SZRD1: variants seen among roughly 807,000 people sequenced by gnomAD.
SZRD1 encodes the protein SUZ RNA binding domain containing 1, also known as SUZ RNA-binding domain-containing.
In SZRD1, 7 loss-of-function variants were observed where a neutral mutation model predicts 17.6. The ratio of observed to expected loss-of-function variants is 0.40; its 90% CI spans 0.23 to 0.75. The LOEUF is 0.75. Among genes scored for constraint, SZRD1 ranks in the 30% least tolerant of loss-of-function variants. The pLI is 0.38. For missense variants in SZRD1, 178 were observed against 201.8 expected, an observed-to-expected ratio of 0.88 and a Z score of 0.71; for synonymous variants, 77 against 77.9, an observed-to-expected ratio of 0.99 and a Z score of 0.06.
chr1:16,380,843 G>A (rs371874474), intron 1 of SZRD1, among the ~76,000 whole-genome samples: 1 of 152,022 alleles, frequency 6.6e-6, no homozygotes, highest in Non-Finnish European at 1.5e-5. Context: ...CTGAGCTCAA[G>A]CAATCCACTT....
chr1:16,384,671 C>T (rs1425197677), intron 1 of SZRD1, among the ~76,000 whole-genome samples: 2 of 152,184 alleles, frequency 1.3e-5, no homozygotes, highest in South Asian at 2.1e-4. Flanking sequence ...TAGCATGGGC[C>T]GTGGCTGGCT....
In SZRD1 at chr1:16,393,017, TC is replaced by T. The variant is rs2100750130; in HGVS notation, c.102-209del. Among the ~76,000 whole-genome samples the T allele has an allele frequency of 6.6e-6, 1 of 152,270 alleles. No individual in the cohort carries two copies. The highest frequency in any genetic ancestry group is 1.9e-4 in the East Asian group (1 of 5,174). On this transcript the variant is annotated intron_variant, in intron 2 of 3. Transcript: ENST00000401088. The surrounding 1 kb of genome is among the most constrained non-coding windows in gnomAD (Gnocchi z 5.6). ...CCAGGGGTTAGGGCTGAGGAGCAGT[TC>T]CTGTGGCCTGTCAGAGCTGGTCGCA... is the stretch of plus-strand genomic sequence containing the variant.
intron 1 of SZRD1, among the ~76,000 whole-genome samples, chr1:16,389,203 C>A (rs747071532): frequency 6.6e-6 from 1 of 150,504 alleles, no homozygotes; most frequent in African/African-American, 2.5e-5. Context: ...CCTGCCTCAG[C>A]CTCCCGAGTA....
intron 1 of SZRD1, among the ~76,000 whole-genome samples, chr1:16,384,957 T>C (rs1156635842): frequency 6.6e-6 from 1 of 152,190 alleles, no homozygotes; most frequent in African/African-American, 2.4e-5. Flanking sequence ...TTGTTATTCT[T>C]TGAATTTGAG....
intron 1 of SZRD1, among the ~76,000 whole-genome samples, chr1:16,382,039 A>G (rs1388337466): frequency 6.6e-6 from 1 of 152,210 alleles, no homozygotes; most frequent in Non-Finnish European, 1.5e-5. Context: ...AGTGGGGCCA[A>G]TGTGGTGGCC....
chr1:16,369,817 A>G (rs994234275), intron 1 of SZRD1, among the ~76,000 whole-genome samples: 6 of 149,492 alleles, frequency 4.0e-5, no homozygotes, highest in Non-Finnish European at 7.4e-5. Context: ...TGAACCTAGG[A>G]GGCGGAGGTT....
Position 16,393,464 on chromosome 1 carries a change from A to G in SZRD1, c.338A>G (p.Glu113Gly), listed in dbSNP as rs759838180. 2.5e-6 allele frequency: 4 copies of G among 1,612,786 alleles called. No homozygotes were observed. The highest frequency in any genetic ancestry group is 3.4e-6 in the Non-Finnish European group (4 of 1,179,602). The change falls in exon 3 of 4, where the codon GAG becomes GGG. Residue 113 changes from glutamate (E) to glycine (G), a missense_variant. By Grantham distance (98) the Glu-to-Gly change is moderately conservative. This residue lies in a region of SZRD1 where 57 missense variants were observed against 71.9 expected (regional missense o/e 0.79). Transcript: ENST00000401088. This position sits in a 1 kb window ranked among gnomAD's most constrained non-coding sequence, Gnocchi z 5.6. ...AGCGCCAGCCCCGAGGAGGAGCAGG[A>G]GAAACCCATCCTCGACAGGTGAGTG... ...LGSASPEEEQ[E>G]KPILDRPTRI...
intron 1 of SZRD1, among the ~76,000 whole-genome samples, chr1:16,384,860 G>C (rs181519181): frequency 1.3e-4 from 20 of 152,192 alleles, no homozygotes; most frequent in African/African-American, 4.8e-4. Context: ...AGATCTCCCC[G>C]GGTCCACTTG....
intron 1 of SZRD1, among the ~76,000 whole-genome samples, chr1:16,371,005 T>G (rs1261854934): frequency 6.6e-6 from 1 of 152,206 alleles, no homozygotes; most frequent in Non-Finnish European, 1.5e-5. Flanking sequence ...GTAAAAGTCT[T>G]GGCTTCAGGT....
chr1:16,392,980 C>T (rs949409042), intron 2 of SZRD1, among the ~76,000 whole-genome samples: 4 of 152,200 alleles, frequency 2.6e-5, no homozygotes, highest in African/African-American at 9.7e-5. Flanking sequence ...GGTGGCGTTC[C>T]AGCCCCTGTG....
intron 1 of SZRD1, chr1:16,369,380 C>T (rs1209772964): frequency 1.1e-5 from 11 of 988,200 alleles, no homozygotes; most frequent in East Asian, 4.8e-5. Flanking sequence ...TCAGCTTTTC[C>T]GTTCACTTTG....
chr1:16,370,053 G>A (rs2082886767), intron 1 of SZRD1, among the ~76,000 whole-genome samples: 2 of 152,182 alleles, frequency 1.3e-5, no homozygotes, highest in South Asian at 2.1e-4. Context: ...ACAAGGAAAC[G>A]GAGGTTTCGA....
At chr1:16,377,437 G>C (rs913845384) in intron 1 of SZRD1, among the ~76,000 whole-genome samples, 2 of 151,894 alleles carry the variant, frequency 1.3e-5, no homozygotes, top group African/African-American at 2.4e-5. Flanking sequence ...ACAAAAAAAT[G>C]AGCGGGACGT....
At chr1:16,383,714 G>A (rs571337124) in intron 1 of SZRD1, among the ~76,000 whole-genome samples, 2 of 150,170 alleles carry the variant, frequency 1.3e-5, no homozygotes, top group East Asian at 3.9e-4. Context: ...CTGCCTCCTG[G>A]GTTCAAGCGA....
chr1:16,380,729 A>C (rs7535671), intron 1 of SZRD1, among the ~76,000 whole-genome samples: 3,824 of 152,142 alleles, frequency 0.025, 164 homozygotes, highest in African/African-American at 0.087. Flanking sequence ...CGGGCTCCCA[A>C]AGTGCTGGGA....
Position 16,391,414 on chromosome 1 carries a change from C to A in SZRD1, c.91C>A (p.Gln31Lys). 1 of 1,548,934 alleles carries A rather than the reference C, an allele frequency of 6.5e-7. No homozygotes were observed. Among genetic ancestry groups the A allele is most frequent in the Non-Finnish European group, 8.7e-7 (1 of 1,146,390 alleles). Residue 31 changes from glutamine (Q) to lysine (K), a missense_variant, in exon 2 of 4, where the codon CAA (glutamine) becomes AAA (lysine). Transcript: ENST00000401088. This position sits in a 1 kb window ranked among gnomAD's most constrained non-coding sequence, Gnocchi z 4.3. Reference protein sequence around the residue: ...RRLEKKLKITQKESRKSKSPP... With the variant: ...RRLEKKLKITKKESRKSKSPP... ...GTTGGAAAAAAAACTGAAGATCACACAAAAAGAGAGGTAAGGCTGCTGTCT... is the reference window on the plus strand; with the variant it reads ...GTTGGAAAAAAAACTGAAGATCACAAAAAAAGAGAGGTAAGGCTGCTGTCT...
intron 1 of SZRD1, among the ~76,000 whole-genome samples, chr1:16,379,507 TGTAGCGAAGATAAGAGGTG>T: frequency 6.6e-6 from 1 of 152,356 alleles, no homozygotes; most frequent in South Asian, 2.1e-4. Context: ...CTCCACAGGT[TGTAGCGAAGATAAGAGGTG>T]GTAAAGGGAG....
At chr1:16,378,409 C>T (rs748124288) in intron 1 of SZRD1, among the ~76,000 whole-genome samples, 1 of 151,640 alleles carries the variant, frequency 6.6e-6, no homozygotes, top group Non-Finnish European at 1.5e-5. Flanking sequence ...CTCAGCCTCC[C>T]GAGTAGCTGG....
chr1:16,386,307 A>G (rs566307533), intron 1 of SZRD1, among the ~76,000 whole-genome samples: 5 of 152,320 alleles, frequency 3.3e-5, no homozygotes, highest in African/African-American at 1.2e-4. Context: ...AGGAGCCTAG[A>G]CCTTGGGCAG....
Sources: allele counts gnomAD v4.1 joint callset (sites outside exome capture counted in the v4.1 genomes callset), GRCh38; gene constraint gnomAD v4.1.1; regional missense constraint gnomAD v4.1.1; non-coding constraint Gnocchi (gnomAD v3.1); transcripts MANE v1.5; gene names NCBI Gene and HGNC (gene_info 2026-07-23, HGNC 2026-07-21).